IDE: variants seen among roughly 807,000 people sequenced by gnomAD.
IDE encodes insulin-degrading enzyme.
A neutral mutation model predicts 133.2 loss-of-function variants in IDE; 58 were observed. The ratio of observed to expected loss-of-function variants is 0.44; its 90% CI spans 0.35 to 0.54. The LOEUF (loss-of-function observed/expected upper bound fraction) is 0.54. Ranked by LOEUF, IDE falls within the 20% of genes least tolerant of loss-of-function variation. The pLI is 0.00. For missense variants in IDE, 981 were observed against 1,234.0 expected (o/e 0.79, Z 3.07); for synonymous variants, 396 against 421.3 (o/e 0.94, Z 0.73).
chr10:92,569,738 T>A, intron 1 of IDE, among the ~76,000 whole-genome samples: 1 of 152,204 alleles, frequency 6.6e-6, no homozygotes, highest in South Asian at 2.1e-4. Flanking sequence ...AGTTATGCAG[T>A]AAATATGTAC....
At chr10:92,538,184 G>C (rs1357885700) in intron 1 of IDE, among the ~76,000 whole-genome samples, 1 of 152,166 alleles carries the variant, frequency 6.6e-6, no homozygotes, top group Admixed American at 6.5e-5. Flanking sequence ...CTAGAATAGA[G>C]TTTTATTTCA....
At chr10:92,504,934 A>G (rs1210970575) in intron 10 of IDE, 37 bp from the exon 11 acceptor site, 4 of 919,524 alleles carry the variant, frequency 4.4e-6, no homozygotes, top group Non-Finnish European at 6.7e-6. Flanking sequence ...TAAAATATAC[A>G]AAGCTACTAC....
chr10:92,560,804 G>C lies in IDE; in HGVS notation c.98+13118C>G, dbSNP rs192328236. 3.5e-3 allele frequency among the ~76,000 whole-genome samples: 525 copies of C among 151,664 alleles called. 2 individuals are homozygous for C. The highest frequency in any genetic ancestry group is 5.5e-3 in the Non-Finnish European group (371 of 67,862). ...TCTCAAAAAAAAAAAAAGATTGAGA[G>C]AAGTGACTTGTTACTCCTTTTATGC... On this transcript the variant is annotated intron_variant, in intron 1 of 24. Transcript: ENST00000265986.
At chr10:92,479,232 T>C (rs1564608725) in intron 15 of IDE, 45 bp downstream of exon 15, 2 of 1,438,836 alleles carry the variant, frequency 1.4e-6, no homozygotes, top group Admixed American at 2.1e-5. Context: ...CAAATCAATA[T>C]AAAAAATGTT....
chr10:92,514,916 T>C lies in IDE; in HGVS notation c.784+4A>G. On this transcript the variant is annotated splice_donor_region_variant and intron_variant, in intron 5 of 24. Coordinates refer to ENST00000265986, the MANE Select transcript of IDE (RefSeq NM_004969.4). The stretch of plus-strand genomic sequence containing the variant: ...ATTCTATAAAAAATTGTAAGGGTTC[T>C]TACCTCGACCTAAAACACAAACAGC... 6.2e-7 allele frequency: 1 copy of C among 1,609,046 alleles called. No homozygotes were observed. The highest frequency in any genetic ancestry group is 8.5e-7 in the Non-Finnish European group (1 of 1,177,878).
intron 1 of IDE, among the ~76,000 whole-genome samples, chr10:92,561,262 AAAAT>A (rs199659103): frequency 0.021 from 3,176 of 152,172 alleles, 45 homozygotes; most frequent in Admixed American, 0.052. Context: ...GTCTAAAAAA[AAAAT>A]AAATAAGTAA....
At chr10:92,505,691 G>A (rs183768313) in intron 10 of IDE, among the ~76,000 whole-genome samples, 241 of 152,326 alleles carry the variant, frequency 1.6e-3, no homozygotes, top group Middle Eastern at 3.4e-3. Context: ...AAGGTCTGAG[G>A]AGAAGAACTC....
intron 1 of IDE, among the ~76,000 whole-genome samples, chr10:92,552,585 G>A (rs933885103): frequency 7.2e-5 from 11 of 152,092 alleles, no homozygotes; most frequent in African/African-American, 2.7e-4. Flanking sequence ...CTGCTCAGGT[G>A]AGTTGGCTCA....
At chr10:92,558,095 C>G (rs1372355906) in intron 1 of IDE, among the ~76,000 whole-genome samples, 1 of 152,104 alleles carries the variant, frequency 6.6e-6, no homozygotes, top group Non-Finnish European at 1.5e-5. Context: ...TCTTGTTGCC[C>G]AGGCTGGAGT....
intron 1 of IDE, among the ~76,000 whole-genome samples, chr10:92,541,126 A>T (rs1842284120): frequency 6.6e-6 from 1 of 152,222 alleles, no homozygotes; most frequent in African/African-American, 2.4e-5. Flanking sequence ...AAAATTTCCA[A>T]GGTGGCAATA....
intron 14 of IDE, 30 bp from the exon 15 acceptor site, chr10:92,479,451 T>G: frequency 1.3e-6 from 2 of 1,561,292 alleles, no homozygotes; most frequent in Middle Eastern, 1.7e-4. Flanking sequence ...GTAAAATAGC[T>G]GATTTTATTA....
chr10:92,528,092 A>G (rs868535613), intron 4 of IDE, among the ~76,000 whole-genome samples: 2 of 152,190 alleles, frequency 1.3e-5, no homozygotes, highest in Non-Finnish European at 1.5e-5. Context: ...AGGCAATCCT[A>G]TCATATGGAA....
intron 10 of IDE, among the ~76,000 whole-genome samples, chr10:92,505,195 A>G (rs1271700533): frequency 6.6e-6 from 1 of 152,238 alleles, no homozygotes; most frequent in African/African-American, 2.4e-5. Flanking sequence ...TTTCTGGTTA[A>G]AAACTGAGTA....
intron 18 of IDE, 94 bp downstream of exon 18, chr10:92,470,160 T>C (rs1845889726): frequency 6.1e-6 from 5 of 819,560 alleles, no homozygotes; most frequent in Non-Finnish European, 9.7e-6. Flanking sequence ...GTGTTCCTTA[T>C]CACACCATGC....
intron 12 of IDE, among the ~76,000 whole-genome samples, chr10:92,488,655 T>C (rs1847155764): frequency 6.6e-6 from 1 of 151,800 alleles, no homozygotes; most frequent in African/African-American, 2.4e-5. Flanking sequence ...TGTGCACCTG[T>C]AATCTCAGCT....
intron 7 of IDE, 97 bp downstream of exon 7, chr10:92,508,631 T>G: frequency 8.8e-7 from 1 of 1,142,794 alleles, no homozygotes; most frequent in Non-Finnish European, 1.3e-6. Flanking sequence ...TGGTCACATC[T>G]AACAATGTTC....
At chr10:92,513,224 ACT>A (rs1848717753) in intron 5 of IDE, among the ~76,000 whole-genome samples, 1 of 151,966 alleles carries the variant, frequency 6.6e-6, no homozygotes, top group Non-Finnish European at 1.5e-5. Flanking sequence ...ATGGAGTCTC[ACT>A]CTGTTGCCCA....
chr10:92,537,803 T>C (rs1282080375), intron 1 of IDE, among the ~76,000 whole-genome samples: 1 of 152,188 alleles, frequency 6.6e-6, no homozygotes, highest in Non-Finnish European at 1.5e-5. Flanking sequence ...GGATTTGAGA[T>C]AGGGTGGGTT....
Position 92,514,980 on chromosome 10 carries a change from G to A in IDE, c.724C>T (p.Leu242=), listed in dbSNP as rs1327129926. 6.2e-7 allele frequency: 1 copy of A among 1,610,822 alleles called. No individual in the cohort carries two copies. Among genetic ancestry groups the A allele is most frequent in the African/African-American group, 1.3e-5 (1 of 74,868 alleles). Residue 242 remains leucine, a synonymous_variant, in exon 5 of 25, where the codon CTG becomes TTG. Coordinates refer to ENST00000265986, the MANE Select transcript of IDE (RefSeq NM_004969.4). Reference sequence around the variant, plus strand: ...GAATAGTAAGCAGAATGGAATTTCAGTAGCTCTTGTCTTACATCAATGCCT... The same window carrying A: ...GAATAGTAAGCAGAATGGAATTTCAATAGCTCTTGTCTTACATCAATGCCT... ...QEGIDVRQEL[L]KFHSAYYSSN...
Sources: gnomAD v4.1 joint callset for allele counts (sites outside exome capture counted in the v4.1 genomes callset) on GRCh38, gnomAD v4.1.1 for gene constraint, MANE v1.5 for transcripts, NCBI Gene and HGNC (gene_info 2026-07-23, HGNC 2026-07-21) for gene names.